DAGLA: variants seen among roughly 807,000 people sequenced by gnomAD.
DAGLA encodes diacylglycerol lipase-alpha.
DAGLA carries 22 observed loss-of-function variants against 102.6 expected under a neutral mutation model. The observed-to-expected ratio is 0.21, with a 90% confidence interval of 0.15 to 0.31. The LOEUF is 0.31. Among genes scored for constraint, DAGLA ranks in the 10% least tolerant of loss-of-function variants. DAGLA has a pLI of 1.00. For synonymous variants in DAGLA, 578 were observed against 628.9 expected, an observed-to-expected ratio of 0.92 and a Z score of 1.21; for missense variants, 927 against 1,446.6, an observed-to-expected ratio of 0.64 and a Z score of 5.83.
At chr11:61,738,091 G>T (rs200766942) in intron 15 of DAGLA, 44 bp from the exon 16 acceptor site, 2 of 1,539,492 alleles carry the variant, frequency 1.3e-6, no homozygotes, top group African/African-American at 1.4e-5. Context: ...TCTCATAGCC[G>T]CTGACCAGGC....
Position 61,744,961 on chromosome 11 carries a change from C to T in DAGLA, c.*472C>T, listed in dbSNP as rs1279611958. 1 of 166,200 alleles carries T rather than the reference C, an allele frequency of 6.0e-6. No individual in the cohort carries two copies. The highest frequency in any genetic ancestry group is 1.3e-5 in the Non-Finnish European group (1 of 76,000). 10.3% of individuals were successfully genotyped at this position (166,200 alleles called of 1,614,324 possible). On this transcript the variant is annotated 3_prime_UTR_variant, in exon 20 of 20. Transcript: ENST00000257215. ...ACCCCCCAGATCTGGTGCCTGCTGGCCGGCCCCCTGGGGTGCCCCTGCCGA... is the reference window on the plus strand; with the variant it reads ...ACCCCCCAGATCTGGTGCCTGCTGGTCGGCCCCCTGGGGTGCCCCTGCCGA...
At chr11:61,691,543 C>G (rs187911928) in intron 1 of DAGLA, among the ~76,000 whole-genome samples, 33 of 152,356 alleles carry the variant, frequency 2.2e-4, no homozygotes, top group Non-Finnish European at 4.1e-4. Flanking sequence ...GGGACCCCCC[C>G]CAACCCAACC....
rs139791956 is a variant in DAGLA, at chr11:61,723,456, A to G, written c.432A>G (p.Val144=). The G allele has an allele frequency of 1.5e-4, 241 of 1,613,196 alleles. No individual in the cohort carries two copies. In the African/African-American group the frequency reaches 3.1e-3, roughly 21 times the overall value. ...CAGGAATGGTTGTCTGCAACTGGGTAGTCATCCTCAGTGTGTGCATCACTG... is the reference window on the plus strand; with the variant it reads ...CAGGAATGGTTGTCTGCAACTGGGTGGTCATCCTCAGTGTGTGCATCACTG... ...VTLGMVVCNW[V]VILSVCITVL... Residue 144 remains valine (V), a synonymous_variant, in exon 5 of 20, where the codon GTA becomes GTG. Coordinates refer to ENST00000257215, the MANE Select transcript of DAGLA (RefSeq NM_006133.3).
chr11:61,715,941 GA>G (rs1354731341), intron 1 of DAGLA, among the ~76,000 whole-genome samples: 5 of 152,232 alleles, frequency 3.3e-5, no homozygotes, highest in South Asian at 4.1e-4. Context: ...CATCTAGCCA[GA>G]GGGGGGGGAG....
chr11:61,695,148 C>T (rs1393715080), intron 1 of DAGLA, among the ~76,000 whole-genome samples: 1 of 152,222 alleles, frequency 6.6e-6, no homozygotes, highest in Non-Finnish European at 1.5e-5. Context: ...AGCCTCCCTG[C>T]TGGCTGGAAT....
chr11:61,743,130 C>T lies in DAGLA; in HGVS notation c.2172-402C>T, dbSNP rs1235542942. ...CTGTAATCTCAGCACTTTGGGAGGC[C>T]GAGGCAGGCGGATCACCAGGTCAGC... is the stretch of plus-strand genomic sequence containing the variant. On this transcript the variant is annotated intron_variant, in intron 19 of 19. Transcript: ENST00000257215. Among the ~76,000 whole-genome samples, 6 of 152,068 alleles carry T rather than the reference C, an allele frequency of 3.9e-5. No homozygotes were observed. The East Asian group carries it at 5.8e-4, about 15-fold the overall frequency.
intron 8 of DAGLA, among the ~76,000 whole-genome samples, chr11:61,729,440 G>T (rs1290276949): frequency 6.6e-6 from 1 of 151,950 alleles, no homozygotes; most frequent in African/African-American, 2.4e-5. Context: ...CCAGTAACAT[G>T]GTGGGAGAAC....
At chr11:61,732,801 C>T (rs2065387163) in intron 9 of DAGLA, among the ~76,000 whole-genome samples, 1 of 152,200 alleles carries the variant, frequency 6.6e-6, no homozygotes, top group South Asian at 2.1e-4. Flanking sequence ...CTGTCCATAA[C>T]AGCCTGGCCA....
rs756374006 is a variant in DAGLA at position 61,690,363 on chromosome 11, G to C, written c.-45+9859G>C. Reference sequence around the variant, plus strand: ...CTACTTGCCAAGCCTTGTGCCTGGAGCTGGGAATAATGGTATCACTTCGTC... The same window carrying C: ...CTACTTGCCAAGCCTTGTGCCTGGACCTGGGAATAATGGTATCACTTCGTC... On this transcript the variant is annotated intron_variant, in intron 1 of 19. Coordinates refer to ENST00000257215, the MANE Select transcript of DAGLA (RefSeq NM_006133.3). Among the ~76,000 whole-genome samples, 27 of 152,328 alleles carry C rather than the reference G, an allele frequency of 1.8e-4. No homozygotes were observed. The Middle Eastern group carries it at 0.027, about 154-fold the overall frequency.
At chr11:61,722,636 C>T (rs985402374) in intron 3 of DAGLA, among the ~76,000 whole-genome samples, 1 of 151,404 alleles carries the variant, frequency 6.6e-6, no homozygotes, top group Non-Finnish European at 1.5e-5. Context: ...GTGGTGGGCA[C>T]ATTGCAAGCG....
intron 10 of DAGLA, 148 bp from the exon 11 acceptor site, chr11:61,735,413 C>A: frequency 1.4e-6 from 1 of 697,066 alleles, no homozygotes; most frequent in Non-Finnish European, 2.4e-6. Context: ...CCCCAGTGAC[C>A]CTGGGAGCCC....
At chr11:61,737,048 C>G (rs2135600871) in intron 13 of DAGLA, 134 bp from the exon 14 acceptor site, 2 of 1,238,518 alleles carry the variant, frequency 1.6e-6, no homozygotes, top group East Asian at 2.3e-5. Context: ...TCTCTGTGCC[C>G]TAGCATTCAC....
chr11:61,703,541 G>A (rs1400781930), intron 1 of DAGLA, among the ~76,000 whole-genome samples: 1 of 152,238 alleles, frequency 6.6e-6, no homozygotes, highest in Admixed American at 6.5e-5. Context: ...AGGCCAGGGT[G>A]CCTGGGAGGC....
rs368186507 is a variant in DAGLA at position 61,722,980 on chromosome 11, G to A, written c.409+20G>A. The A allele has an allele frequency of 5.0e-5, 79 of 1,581,764 alleles. No individual in the cohort carries two copies. Among genetic ancestry groups the A allele is most frequent in the Non-Finnish European group, 6.3e-5 (73 of 1,150,808 alleles). ...CCCTCGGTACGTCTGGGTGAGGCCT[G>A]CTGGAGCCTCAGCAGCCCCGGGGGC... On this transcript the variant is annotated intron_variant, in intron 4 of 19. Transcript: ENST00000257215.
chr11:61,681,245 G>A (rs2066309200), intron 1 of DAGLA, among the ~76,000 whole-genome samples: 1 of 152,150 alleles, frequency 6.6e-6, no homozygotes, highest in African/African-American at 2.4e-5. Context: ...GCAGAAGGCT[G>A]GGAGAAGGTT....
intron 10 of DAGLA, 50 bp downstream of exon 10, chr11:61,735,052 G>A: frequency 6.3e-7 from 1 of 1,592,812 alleles, no homozygotes; most frequent in Non-Finnish European, 8.6e-7. Flanking sequence ...GCAGCTGAGG[G>A]CCTAGGGTGC....
chr11:61,695,354 G>A (rs1027210653), intron 1 of DAGLA, among the ~76,000 whole-genome samples: 2 of 152,296 alleles, frequency 1.3e-5, no homozygotes, highest in East Asian at 1.9e-4. Flanking sequence ...TCACTGACCC[G>A]CCCCGGTTTC....
chr11:61,723,714 T>A (rs1749504514), intron 5 of DAGLA, 142 bp downstream of exon 5: 3 of 1,002,906 alleles, frequency 3.0e-6, no homozygotes, highest in Non-Finnish European at 2.9e-6. Context: ...GTCAAAGGGC[T>A]TAACTGCTCC....
At chr11:61,718,831 C>A (rs569586658) in intron 1 of DAGLA, among the ~76,000 whole-genome samples, 1 of 152,206 alleles carries the variant, frequency 6.6e-6, no homozygotes, top group Non-Finnish European at 1.5e-5. Flanking sequence ...GGCGGACATG[C>A]GGGCTGGCCA....
Sources: allele counts gnomAD v4.1 joint callset (sites outside exome capture counted in the v4.1 genomes callset), GRCh38; gene constraint gnomAD v4.1.1; transcripts MANE v1.5; gene names NCBI Gene and HGNC (gene_info 2026-07-23, HGNC 2026-07-21).